Variants in BAZ2B observed in about 807,000 individuals in gnomAD.
BAZ2B encodes bromodomain adjacent to zinc finger domain protein 2B.
In BAZ2B, 91 loss-of-function variants were observed where a neutral mutation model predicts 246.0. The ratio of observed to expected loss-of-function variants is 0.37; its 90% CI spans 0.31 to 0.44. BAZ2B has a LOEUF of 0.44. BAZ2B is among the 20% of genes least tolerant of loss of function. The pLI, the probability that BAZ2B is intolerant of heterozygous loss-of-function variation, is 1.00. For missense variants in BAZ2B, 2,332 were observed against 2,533.7 expected, an observed-to-expected ratio of 0.92 and a Z score of 1.71; for synonymous variants, 855 against 860.0, an observed-to-expected ratio of 0.99 and a Z score of 0.10.
rs200163738 is a variant in BAZ2B at position 159,389,330 on chromosome 2, T to C, written c.3216+15A>G. The C allele has an allele frequency of 6.4e-7, 1 of 1,574,132 alleles. No individual in the cohort carries two copies. The highest frequency in any genetic ancestry group is 1.9e-5 in the Admixed American group (1 of 51,584). ...AAACTTATGAATGAAATGGTGTACA[T>C]GACGTATAAATTACCTTTTGGTCTG... On this transcript the variant is annotated intron_variant, in intron 21 of 36. Coordinates refer to ENST00000392783, the MANE Select transcript of BAZ2B (RefSeq NM_013450.4).
At chr2:159,640,071 A>C in the BAZ2B span, among the ~76,000 whole-genome samples, 1 of 152,166 alleles carries the variant, frequency 6.6e-6, no homozygotes, top group Non-Finnish European at 1.5e-5. Context: ...GACATAGACA[A>C]AATAGATTTC....
intron 2 of BAZ2B, among the ~76,000 whole-genome samples, chr2:159,503,061 T>C (rs1345881660): frequency 1.3e-5 from 2 of 152,196 alleles, no homozygotes; most frequent in Non-Finnish European, 1.5e-5. Flanking sequence ...GGTCTCTGCT[T>C]CTCTTTCCTT....
At chr2:159,420,866 C>T (rs891323391) in intron 13 of BAZ2B, among the ~76,000 whole-genome samples, 3 of 152,196 alleles carry the variant, frequency 2.0e-5, no homozygotes, top group East Asian at 1.9e-4. Flanking sequence ...AACAGAAGTC[C>T]GTAGGAAATT....
chr2:159,335,978 T>C (rs551168761), intron 33 of BAZ2B, among the ~76,000 whole-genome samples: 1 of 152,230 alleles, frequency 6.6e-6, no homozygotes, highest in African/African-American at 2.4e-5. Flanking sequence ...TTTGCCAACA[T>C]AGTGAAACCC....
chr2:159,604,392 A>T (rs529640450), intron 1 of BAZ2B, among the ~76,000 whole-genome samples: 2 of 152,186 alleles, frequency 1.3e-5, no homozygotes, highest in African/African-American at 4.8e-5. Context: ...ACAGGTGTGA[A>T]TCATCATGCC....
chr2:159,561,184 G>C (rs988043242), intron 1 of BAZ2B, among the ~76,000 whole-genome samples: 57 of 152,132 alleles, frequency 3.7e-4, no homozygotes, highest in African/African-American at 1.4e-3. Flanking sequence ...TTGGGTCATG[G>C]GGGTGGATCC....
At chr2:159,385,519 T>G in intron 22 of BAZ2B, 150 bp from the exon 23 acceptor site, 1 of 664,226 alleles carries the variant, frequency 1.5e-6, no homozygotes, top group South Asian at 2.1e-5. Flanking sequence ...ACAAAAATAG[T>G]CAATAGAAGA....
intron 14 of BAZ2B, among the ~76,000 whole-genome samples, chr2:159,411,348 T>C (rs1360219734): frequency 6.6e-6 from 1 of 152,202 alleles, no homozygotes; most frequent in Non-Finnish European, 1.5e-5. Flanking sequence ...TAGATATTTG[T>C]TTTATAATAA....
At chr2:159,614,249 A>G (rs1187878779) in intron 1 of BAZ2B, among the ~76,000 whole-genome samples, 1 of 152,118 alleles carries the variant, frequency 6.6e-6, no homozygotes, top group African/African-American at 2.4e-5. Context: ...TTAGACAAGC[A>G]AATTAAAACA....
chr2:159,373,840 C>CA (rs907094445), intron 26 of BAZ2B, among the ~76,000 whole-genome samples: 12 of 152,078 alleles, frequency 7.9e-5, no homozygotes, highest in Non-Finnish European at 1.5e-4. Flanking sequence ...CAAAGCAAAA[C>CA]AAAAAACAAA....
intron 1 of BAZ2B, among the ~76,000 whole-genome samples, chr2:159,588,669 T>C (rs905652721): frequency 6.6e-6 from 1 of 152,238 alleles, no homozygotes; most frequent in African/African-American, 2.4e-5. Flanking sequence ...TTAGTCATTA[T>C]GACAAACCAA....
Position 159,400,600 on chromosome 2 carries a change from T to G in BAZ2B, c.2897A>C (p.Glu966Ala). ...EKELRAQQIL[E>A]AKKKKKEEAA... Reference sequence around the variant, plus strand: ...TTATATTAAATTTAAGACTTCTACCTCTAGAATTTGCTGAGCTCGAAGTTC... The same window carrying G: ...TTATATTAAATTTAAGACTTCTACCGCTAGAATTTGCTGAGCTCGAAGTTC... Residue 966 changes from glutamate (E) to alanine (A), a missense_variant and splice_region_variant, in exon 17 of 37, where the codon GAG becomes GCG. Glu to Ala is a moderately radical substitution (Grantham distance 107). This residue lies in a region of BAZ2B where 328 missense variants were observed against 410.4 expected (regional missense o/e 0.80). Coordinates refer to ENST00000392783, the MANE Select transcript of BAZ2B (RefSeq NM_013450.4). 2 of 1,546,954 alleles carry G rather than the reference T, an allele frequency of 1.3e-6. No individual in the cohort carries two copies. Among genetic ancestry groups the G allele is most frequent in the Admixed American group, 1.8e-5 (1 of 57,018 alleles).
intron 3 of BAZ2B, chr2:159,461,442 G>A (rs958824379): frequency 2.0e-5 from 3 of 152,500 alleles, no homozygotes; most frequent in Non-Finnish European, 4.4e-5. Context: ...TTAAATAACA[G>A]GTTACAATAG....
At chr2:159,708,983 T>C in the BAZ2B span, among the ~76,000 whole-genome samples, 1 of 152,194 alleles carries the variant, frequency 6.6e-6, no homozygotes, top group African/African-American at 2.4e-5. Context: ...AAATAAAACT[T>C]GATGTGGGGA....
chr2:159,672,776 T>G, the BAZ2B span, among the ~76,000 whole-genome samples: 1 of 152,200 alleles, frequency 6.6e-6, no homozygotes. Flanking sequence ...ATGCACTTTT[T>G]GATAAATAAT....
intron 14 of BAZ2B, among the ~76,000 whole-genome samples, chr2:159,408,505 T>A (rs1184001569): frequency 2.0e-5 from 3 of 152,062 alleles, no homozygotes; most frequent in Non-Finnish European, 4.4e-5. Flanking sequence ...GCCAAAAAAA[T>A]TTAAAAGTTC....
At chr2:159,496,338 T>C (rs2081133339) in intron 2 of BAZ2B, among the ~76,000 whole-genome samples, 1 of 129,394 alleles carries the variant, frequency 7.7e-6, no homozygotes, top group African/African-American at 3.0e-5. Flanking sequence ...ATTGCACCAC[T>C]GCACTCTCCA....
At chr2:159,597,523 TCTTA>T (rs1240325673) in intron 1 of BAZ2B, among the ~76,000 whole-genome samples, 2 of 151,984 alleles carry the variant, frequency 1.3e-5, no homozygotes, top group African/African-American at 4.8e-5. Context: ...ACAGGTAAGG[TCTTA>T]CTTTTTAAAA....
chr2:159,666,365 T>A, the BAZ2B span, among the ~76,000 whole-genome samples: 2 of 151,514 alleles, frequency 1.3e-5, no homozygotes, highest in Non-Finnish European at 2.9e-5. Context: ...ACTCAGGTGA[T>A]CTTCCAACCT....
Sources: gnomAD v4.1 joint callset for allele counts (sites outside exome capture counted in the v4.1 genomes callset) on GRCh38, gnomAD v4.1.1 for gene constraint, gnomAD v4.1.1 regional missense constraint, MANE v1.5 for transcripts, NCBI Gene and HGNC (gene_info 2026-07-23, HGNC 2026-07-21) for gene names.